The following SLC5A1 variants were observed in gnomAD, a reference collection of about 807,000 sequenced individuals.
SLC5A1 encodes solute carrier family 5 member 1.
SLC5A1 carries 42 observed loss-of-function variants against 73.5 expected under a neutral mutation model. That is an observed-to-expected ratio of 0.57 (90% CI 0.45 to 0.74). The LOEUF is 0.74. Among genes scored for constraint, SLC5A1 ranks in the 30% least tolerant of loss-of-function variants. The pLI is 0.00. For missense variants in SLC5A1, 634 were observed against 855.4 expected (o/e 0.74, Z 3.23); for synonymous variants, 300 against 317.4 (o/e 0.95, Z 0.58).
At chr22:32,063,599 G>C (rs2093967273) in intron 2 of SLC5A1, among the ~76,000 whole-genome samples, 1 of 152,114 alleles carries the variant, frequency 6.6e-6, no homozygotes, top group Non-Finnish European at 1.5e-5. Context: ...GGGTGTCCAG[G>C]AAAGTCTCTG....
In SLC5A1 at chr22:32,043,695, G is replaced by T. The variant is rs183097034; in HGVS notation, c.135+279G>T. 6.6e-6 allele frequency among the ~76,000 whole-genome samples: 1 copy of T among 152,310 alleles called. No homozygotes were observed. Among genetic ancestry groups the T allele is most frequent in the Non-Finnish European group, 1.5e-5 (1 of 68,030 alleles). On this transcript the variant is annotated intron_variant, in intron 1 of 14. Coordinates refer to ENST00000266088, the MANE Select transcript of SLC5A1 (RefSeq NM_000343.4). The surrounding 1 kb of genome is among the most constrained non-coding windows in gnomAD (Gnocchi z 6.5). ...AGGAAGGTGGGGGTTTGAAGAGACC[G>T]CTGGAAAGTGTAAGGGGCAGGAAAG...
intron 5 of SLC5A1, among the ~76,000 whole-genome samples, chr22:32,069,734 A>G (rs1479537506): frequency 6.6e-6 from 1 of 152,194 alleles, no homozygotes; most frequent in Non-Finnish European, 1.5e-5. Context: ...AGAGGCAGGC[A>G]TGGGCCTTTG....
At chr22:32,061,083 T>A (rs2093961876) in intron 2 of SLC5A1, among the ~76,000 whole-genome samples, 1 of 152,288 alleles carries the variant, frequency 6.6e-6, no homozygotes, top group Middle Eastern at 3.4e-3. Context: ...CTGTCTTTGG[T>A]TCGAGAGACA....
intron 1 of SLC5A1, among the ~76,000 whole-genome samples, chr22:32,047,252 G>A (rs1006016177): frequency 1.3e-5 from 2 of 152,182 alleles, no homozygotes; most frequent in South Asian, 4.2e-4. Context: ...GAGAAGAAAA[G>A]ACTTGGTGCA....
In SLC5A1 at chr22:32,061,105, T is replaced by C. The variant is rs561429908; in HGVS notation, c.208-5830T>C. 5.9e-5 allele frequency among the ~76,000 whole-genome samples: 9 copies of C among 152,308 alleles called. No homozygotes were observed. In the East Asian group the frequency reaches 1.5e-3, roughly 26 times the overall value. Reference sequence around the variant, plus strand: ...TGGTTCGAGAGACAGATGCAATTCCTGCCAGCTTCTGACTTCTAACATTAA... The same window carrying C: ...TGGTTCGAGAGACAGATGCAATTCCCGCCAGCTTCTGACTTCTAACATTAA... On this transcript the variant is annotated intron_variant, in intron 2 of 14. Coordinates refer to ENST00000266088, the MANE Select transcript of SLC5A1 (RefSeq NM_000343.4).
intron 5 of SLC5A1, among the ~76,000 whole-genome samples, chr22:32,072,556 G>C (rs2093984350): frequency 6.6e-6 from 1 of 152,182 alleles, no homozygotes; most frequent in Non-Finnish European, 1.5e-5. Flanking sequence ...TGATTTCACT[G>C]TAAATTCTTC....
chr22:32,083,257 G>GAGCA, intron 7 of SLC5A1, 103 bp downstream of exon 7: 1 of 919,292 alleles, frequency 1.1e-6, no homozygotes, highest in African/African-American at 1.6e-5. Context: ...AGACTAGGCA[G>GAGCA]TGAGCTGAGG....
chr22:32,109,279 T>C (rs1169889017), intron 14 of SLC5A1, among the ~76,000 whole-genome samples: 1 of 152,094 alleles, frequency 6.6e-6, no homozygotes, highest in Non-Finnish European at 1.5e-5. Context: ...TCTTATCTAG[T>C]GAGTGCCAGA....
intron 1 of SLC5A1, among the ~76,000 whole-genome samples, chr22:32,044,280 C>T (rs771970652): frequency 1.3e-5 from 2 of 152,086 alleles, no homozygotes; most frequent in Non-Finnish European, 2.9e-5. Context: ...CGAGATCAGC[C>T]TGGGCAACAT....
At chr22:32,092,734 G>A (rs1425999269) in intron 11 of SLC5A1, among the ~76,000 whole-genome samples, 1 of 152,190 alleles carries the variant, frequency 6.6e-6, no homozygotes, top group East Asian at 1.9e-4. Context: ...AGATTGTGAA[G>A]ATTTTCTGCC....
chr22:32,060,186 C>T (rs866362767), intron 2 of SLC5A1, among the ~76,000 whole-genome samples: 5,150 of 88,634 alleles, frequency 0.058, 138 homozygotes, highest in Non-Finnish European at 0.082. Context: ...CACACACACA[C>T]ATATATATAT....
chr22:32,091,894 T>C, intron 11 of SLC5A1, 132 bp downstream of exon 11: 1 of 781,558 alleles, frequency 1.3e-6, no homozygotes, highest in East Asian at 2.6e-5. Context: ...TGGTTATATG[T>C]GCCATTTGGT....
chr22:32,068,403 G>A lies in SLC5A1; in HGVS notation c.373-93G>A, dbSNP rs528443737. Reference sequence around the variant, plus strand: ...GTTATGAATCCTTGACCACACTTCTGTGGCTCTGATATTAGGATGGTGTCA... The same window carrying A: ...GTTATGAATCCTTGACCACACTTCTATGGCTCTGATATTAGGATGGTGTCA... On this transcript the variant is annotated intron_variant, in intron 4 of 14. Transcript: ENST00000266088. The A allele has an allele frequency of 3.2e-4, 281 of 874,984 alleles. 1 individual carries two copies. Among genetic ancestry groups the A allele is most frequent in the Non-Finnish European group, 3.7e-4 (187 of 511,576 alleles). 54.2% of individuals were successfully genotyped at this position (874,984 alleles called of 1,614,324 possible).
At chr22:32,049,212 TC>T (rs2093941946) in intron 1 of SLC5A1, among the ~76,000 whole-genome samples, 2 of 64,016 alleles carry the variant, frequency 3.1e-5, no homozygotes, top group African/African-American at 7.3e-5. Flanking sequence ...TATATCTATA[TC>T]TATATCTATA....
In SLC5A1 at chr22:32,099,084, CAAA is replaced by C. The variant is rs869158260; in HGVS notation, c.1281-79_1281-77del. The stretch of plus-strand genomic sequence containing the variant: ...TGGGTGACAGAGCAAGACTCTGTCT[CAAA>C]AAAAAAAAAAAAAAAAAAATATATA... On this transcript the variant is annotated intron_variant, in intron 11 of 14. Transcript: ENST00000266088. 323 of 91,726 alleles carry C rather than the reference CAAA, an allele frequency of 3.5e-3. 1 individual carries two copies. The highest frequency in any genetic ancestry group is 7.5e-3 in the Middle Eastern group (1 of 134). The allele number at this position is 91,726 out of a possible 1,614,324, so 5.7% of individuals were successfully genotyped here. A position where few individuals can be genotyped will look rare whatever the true frequency, so the allele number is the denominator to read the frequency against.
chr22:32,072,333 C>T (rs2093984037), intron 5 of SLC5A1, among the ~76,000 whole-genome samples: 1 of 152,098 alleles, frequency 6.6e-6, no homozygotes, highest in African/African-American at 2.4e-5. Flanking sequence ...TCTGTTCCTG[C>T]ATTAATTCAA....
chr22:32,088,386 G>C (rs2094011607), intron 10 of SLC5A1, among the ~76,000 whole-genome samples: 1 of 149,436 alleles, frequency 6.7e-6, no homozygotes, highest in South Asian at 2.1e-4. Context: ...ACCCATGCTG[G>C]AGTGCAATGG....
At chr22:32,051,516 C>T (rs561560177) in intron 2 of SLC5A1, among the ~76,000 whole-genome samples, 14 of 152,112 alleles carry the variant, frequency 9.2e-5, no homozygotes, top group East Asian at 3.9e-4. Flanking sequence ...ACTAGCTGGG[C>T]GTGGTGGTGT....
At chr22:32,046,755 A>C (rs79592323) in intron 1 of SLC5A1, among the ~76,000 whole-genome samples, 2 of 152,204 alleles carry the variant, frequency 1.3e-5, no homozygotes, top group African/African-American at 4.8e-5. Flanking sequence ...TTTGTATTCC[A>C]TGGAGATAGA....
Sources: allele counts gnomAD v4.1 joint callset (sites outside exome capture counted in the v4.1 genomes callset), GRCh38; gene constraint gnomAD v4.1.1; non-coding constraint Gnocchi (gnomAD v3.1); transcripts MANE v1.5; gene names NCBI Gene and HGNC (gene_info 2026-07-23, HGNC 2026-07-21).